CCSER1: variants seen among roughly 807,000 people sequenced by gnomAD.
CCSER1 encodes the protein coiled-coil serine rich protein 1, also known as serine-rich coiled-coil domain-containing protein 1.
A neutral mutation model predicts 82.0 loss-of-function variants in CCSER1; 41 were observed. The observed-to-expected ratio is 0.50, with a 90% CI of 0.39 to 0.65. CCSER1 has a LOEUF of 0.65. Ranked by LOEUF, CCSER1 falls within the 30% of genes least tolerant of loss-of-function variation. The pLI is 0.00. For missense variants in CCSER1, 1,119 were observed against 1,064.2 expected, an observed-to-expected ratio of 1.05 and a Z score of -0.72; for synonymous variants, 414 against 383.9, an observed-to-expected ratio of 1.08 and a Z score of -0.92.
chr4:91,421,072 G>C (rs115597107), intron 10 of CCSER1, among the ~76,000 whole-genome samples: 1,578 of 152,284 alleles, frequency 0.01, 21 homozygotes, highest in African/African-American at 0.027. Context: ...AATGGGGAAA[G>C]TTGGTCAGGG....
chr4:90,242,314 AAAG>A (rs1578706766), intron 1 of CCSER1, among the ~76,000 whole-genome samples: 2 of 152,022 alleles, frequency 1.3e-5, no homozygotes, highest in East Asian at 3.8e-4. Context: ...CTCAAAAAGA[AAAG>A]AAAAGAAAAG....
intron 1 of CCSER1, among the ~76,000 whole-genome samples, chr4:90,206,581 T>A (rs1012333603): frequency 6.6e-6 from 1 of 152,126 alleles, no homozygotes; most frequent in Non-Finnish European, 1.5e-5. Context: ...ATTTCCATTC[T>A]TTTGCATTTG....
chr4:91,023,958 T>C (rs1740252786), intron 9 of CCSER1, among the ~76,000 whole-genome samples: 1 of 152,190 alleles, frequency 6.6e-6, no homozygotes, highest in Non-Finnish European at 1.5e-5. Flanking sequence ...AATTCATTTA[T>C]TATATTTCTG....
chr4:90,957,513 TAA>T (rs1253208580), intron 9 of CCSER1, among the ~76,000 whole-genome samples: 2 of 115,762 alleles, frequency 1.7e-5, no homozygotes, highest in African/African-American at 3.0e-5. Context: ...TTATATAATA[TAA>T]CATAATATCA....
chr4:90,289,765 A>G (rs1730577951), intron 1 of CCSER1, among the ~76,000 whole-genome samples: 1 of 151,864 alleles, frequency 6.6e-6, no homozygotes, highest in Non-Finnish European at 1.5e-5. Flanking sequence ...TAATTTTGTA[A>G]TAAAAATAAT....
chr4:91,429,066 G>T (rs1202301762), intron 10 of CCSER1, among the ~76,000 whole-genome samples: 4 of 151,902 alleles, frequency 2.6e-5, no homozygotes, highest in Non-Finnish European at 5.9e-5. Flanking sequence ...GATTTATCTT[G>T]TATCAAATTA....
At chr4:90,142,836 T>C (rs952619747) in intron 1 of CCSER1, among the ~76,000 whole-genome samples, 1 of 152,294 alleles carries the variant, frequency 6.6e-6, no homozygotes, top group East Asian at 1.9e-4. Context: ...ATGGTTTTGG[T>C]TAGAACTTTG....
intron 5 of CCSER1, among the ~76,000 whole-genome samples, chr4:90,552,547 T>TC (rs1331834289): frequency 6.6e-6 from 1 of 152,116 alleles, no homozygotes; most frequent in Admixed American, 6.6e-5. Flanking sequence ...AACCTCCACT[T>TC]CCCGGGCTCA....
intron 9 of CCSER1, among the ~76,000 whole-genome samples, chr4:91,037,829 G>T (rs1741585880): frequency 6.6e-6 from 1 of 151,694 alleles, no homozygotes. Context: ...TATTTAGTAG[G>T]AAAATGGAAA....
Position 90,309,501 on chromosome 4 carries a change from A to G in CCSER1, c.1217A>G (p.His406Arg), listed in dbSNP as rs1323641648. ...GAGCAACATAAAGCAATAGCGGAAC[A>G]TGTAAAAGGGATCCATCCTATTTCA... ...FYEQHKAIAEHVKGIHPISDS... is the reference protein window; with the variant it reads ...FYEQHKAIAERVKGIHPISDS... The change falls in exon 2 of 11, where the codon CAT becomes CGT. Residue 406 changes from histidine to arginine, a missense_variant. His to Arg is a conservative substitution (Grantham distance 29). Coordinates refer to ENST00000509176, the MANE Select transcript of CCSER1 (RefSeq NM_001145065.2). 3.7e-6 allele frequency: 6 copies of G among 1,613,834 alleles called. No individual in the cohort carries two copies. Among genetic ancestry groups the G allele is most frequent in the African/African-American group, 1.3e-5 (1 of 75,052 alleles).
intron 5 of CCSER1, among the ~76,000 whole-genome samples, chr4:90,504,010 A>C (rs940709441): frequency 6.6e-6 from 1 of 152,012 alleles, no homozygotes; most frequent in Non-Finnish European, 1.5e-5. Flanking sequence ...TACCTTTATC[A>C]CCAAAAATAC....
chr4:91,515,707 G>GTAGA (rs1156896553), intron 10 of CCSER1, among the ~76,000 whole-genome samples: 1 of 151,952 alleles, frequency 6.6e-6, no homozygotes, highest in Non-Finnish European at 1.5e-5. Flanking sequence ...TATTCTTTTG[G>GTAGA]ATATATACCC....
intron 10 of CCSER1, among the ~76,000 whole-genome samples, chr4:91,418,855 A>G (rs1196219716): frequency 6.6e-6 from 1 of 152,022 alleles, no homozygotes; most frequent in Non-Finnish European, 1.5e-5. Flanking sequence ...AGAAAATGCT[A>G]GCAAACCAAA....
chr4:91,101,629 G>A (rs767714688), intron 10 of CCSER1, among the ~76,000 whole-genome samples: 25 of 36,642 alleles, frequency 6.8e-4, no homozygotes, highest in East Asian at 1.4e-3. Flanking sequence ...GCAAGACTCC[G>A]TCTCAAAAAA....
At position 91,600,261 on chromosome 4, in the gene CCSER1, T is replaced by C. The variant is rs1764759925; in HGVS notation, c.*1204T>C. The C allele has an allele frequency of 6.6e-6, 1 of 152,208 alleles. No homozygotes were observed. The highest frequency in any genetic ancestry group is 1.5e-5 in the Non-Finnish European group (1 of 68,024). 9.4% of individuals were successfully genotyped at this position (152,208 alleles called of 1,614,324 possible). On this transcript the variant is annotated 3_prime_UTR_variant, in exon 11 of 11. Coordinates refer to ENST00000509176, the MANE Select transcript of CCSER1 (RefSeq NM_001145065.2). ...TATACTTATGTGCACTTTAGATCAATATATGAATTGATCTATGGATAATTC... is the reference window on the plus strand; with the variant it reads ...TATACTTATGTGCACTTTAGATCAACATATGAATTGATCTATGGATAATTC...
At chr4:90,582,384 ATTAG>A (rs967191244) in intron 5 of CCSER1, among the ~76,000 whole-genome samples, 32 of 152,196 alleles carry the variant, frequency 2.1e-4, no homozygotes, top group African/African-American at 7.7e-4. Flanking sequence ...AGGCATAGAT[ATTAG>A]TTAGGAACTC....
At chr4:91,305,676 T>TGC (rs1346123814) in intron 10 of CCSER1, among the ~76,000 whole-genome samples, 1 of 152,008 alleles carries the variant, frequency 6.6e-6, no homozygotes, top group Non-Finnish European at 1.5e-5. Flanking sequence ...TGTGTGTGTG[T>TGC]GCATGTGTGT....
intron 1 of CCSER1, among the ~76,000 whole-genome samples, chr4:90,197,598 C>T (rs544599135): frequency 6.6e-6 from 1 of 152,164 alleles, no homozygotes; most frequent in East Asian, 1.9e-4. Flanking sequence ...ACTATTCTGC[C>T]ATAAAAAGAA....
chr4:90,788,733 G>T (rs551720985), intron 7 of CCSER1, among the ~76,000 whole-genome samples: 1 of 152,140 alleles, frequency 6.6e-6, no homozygotes, highest in Non-Finnish European at 1.5e-5. Context: ...ACAGGGGGCC[G>T]GGGAGAAACA....
Sources: gnomAD v4.1 joint callset for allele counts (sites outside exome capture counted in the v4.1 genomes callset) on GRCh38, gnomAD v4.1.1 for gene constraint, MANE v1.5 for transcripts, NCBI Gene and HGNC (gene_info 2026-07-23, HGNC 2026-07-21) for gene names.